MKRN2: variants seen among roughly 807,000 people sequenced by gnomAD.
The protein encoded by MKRN2 is makorin ring finger protein 2.
A neutral mutation model predicts 45.4 loss-of-function variants in MKRN2; 32 were observed. The ratio of observed to expected loss-of-function variants is 0.70; its 90% CI spans 0.53 to 0.95. The LOEUF (loss-of-function observed/expected upper bound fraction) is 0.95, where lower values mean the gene tolerates loss of function less well. MKRN2 is among the 40% of genes least tolerant of loss of function. The probability of loss-of-function intolerance (pLI) is 0.00; values close to 1 mark genes in which losing one functional copy is unlikely to be tolerated. For synonymous variants in MKRN2, 206 were observed against 192.4 expected, an observed-to-expected ratio of 1.07 and a Z score of -0.59; for missense variants, 526 against 536.7, an observed-to-expected ratio of 0.98 and a Z score of 0.20.
chr3:12,567,491 T>G (rs2058076176), intron 1 of MKRN2, among the ~76,000 whole-genome samples: 1 of 147,590 alleles, frequency 6.8e-6, no homozygotes, highest in African/African-American at 2.5e-5. Flanking sequence ...CTTTTTTTTT[T>G]TTTTTTTTTT....
intron 1 of MKRN2, among the ~76,000 whole-genome samples, chr3:12,564,903 C>T (rs2058060850): frequency 6.6e-6 from 1 of 152,212 alleles, no homozygotes; most frequent in African/African-American, 2.4e-5. Context: ...GCTTCTTTCA[C>T]TCTGCGTAAT....
intron 4 of MKRN2, 33 bp from the exon 5 acceptor site, chr3:12,574,759 C>A (rs752606455): frequency 2.5e-6 from 4 of 1,591,866 alleles, no homozygotes; most frequent in Non-Finnish European, 3.4e-6. Context: ...CAGTGGCCCA[C>A]AACCAAAGCC....
intron 6 of MKRN2, among the ~76,000 whole-genome samples, chr3:12,578,270 A>G (rs368845164): frequency 4.4e-4 from 62 of 141,282 alleles, no homozygotes; most frequent in African/African-American, 1.6e-3. Context: ...TAGCCACCCC[A>G]TGTGGTTATG....
chr3:12,572,374 G>C lies in MKRN2; in HGVS notation c.642+1G>C. The stretch of plus-strand genomic sequence containing the variant: ...AGAGCAGAGGAAGGCTCATGAAAAG[G>C]TAAAGTCACAAACCTTTGCATGAAC... On this transcript the variant is annotated splice_donor_variant, in intron 4 of 7. Coordinates refer to ENST00000170447, the MANE Select transcript of MKRN2 (RefSeq NM_014160.5). LOFTEE classifies it high-confidence loss of function. The C allele has an allele frequency of 6.4e-7, 1 of 1,552,402 alleles. No homozygotes were observed. The highest frequency in any genetic ancestry group is 1.4e-5 in the African/African-American group (1 of 73,342).
At position 12,581,886 on chromosome 3, in the gene MKRN2, C is replaced by T. The variant is rs1400630169; in HGVS notation, c.1047C>T (p.Tyr349=). 1 of 1,614,178 alleles carries T rather than the reference C, an allele frequency of 6.2e-7. No individual in the cohort carries two copies. Among genetic ancestry groups the T allele is most frequent in the Non-Finnish European group, 8.5e-7 (1 of 1,180,040 alleles). Residue 349 remains tyrosine (Y), a synonymous_variant, in exon 7 of 8, where the codon TAC becomes TAT. Transcript: ENST00000170447. Reference sequence around the variant, plus strand: ...GCAAATGTCTTTATCGCCATGCTTACCCCGATGGGCGGCTAGCAGAGCCTG... The same window carrying T: ...GCAAATGTCTTTATCGCCATGCTTATCCCGATGGGCGGCTAGCAGAGCCTG... ...FGSKCLYRHA[Y]PDGRLAEPEK...
At chr3:12,562,973 A>ACCATCCC (rs1251162198) in intron 1 of MKRN2, among the ~76,000 whole-genome samples, 3 of 152,116 alleles carry the variant, frequency 2.0e-5, no homozygotes, top group African/African-American at 7.2e-5. Context: ...TCATCCTGAA[A>ACCATCCC]CCATCCCCCA....
intron 6 of MKRN2, among the ~76,000 whole-genome samples, chr3:12,577,874 A>G (rs555854693): frequency 6.6e-5 from 10 of 152,128 alleles, no homozygotes; most frequent in African/African-American, 2.4e-4. Context: ...ACGGGGTTTC[A>G]CCATGTTAGC....
intron 7 of MKRN2, 66 bp from the exon 8 acceptor site, chr3:12,582,050 T>G: frequency 6.2e-7 from 1 of 1,609,996 alleles, no homozygotes; most frequent in Non-Finnish European, 8.5e-7. Flanking sequence ...AAAAGAACGA[T>G]CAAGGAACGC....
chr3:12,574,996 C>A lies in MKRN2; in HGVS notation c.847C>A (p.Pro283Thr). ...QWRCAKQFEN[P>T]IIKSCPECRV... is the part of the protein sequence containing the mutation. ...GCGGTGTGCCAAACAGTTTGAAAAC[C>A]CAATCATTAAGTAAGTACAGCCAGG... is the stretch of plus-strand genomic sequence containing the variant. The change falls in exon 5 of 8, where the codon CCA (proline) becomes ACA (threonine). Residue 283 changes from proline (P) to threonine (T), a missense_variant. Pro to Thr is a conservative substitution (Grantham distance 38). Coordinates refer to ENST00000170447, the MANE Select transcript of MKRN2 (RefSeq NM_014160.5). The A allele has an allele frequency of 6.2e-7, 1 of 1,613,864 alleles. No homozygotes were observed. Among genetic ancestry groups the A allele is most frequent in the Non-Finnish European group, 8.5e-7 (1 of 1,179,758 alleles).
chr3:12,583,558 T>C lies in MKRN2; in HGVS notation c.*1305T>C, dbSNP rs2058206964. Reference sequence around the variant, plus strand: ...AGGGTGAACAAATGGGGCATTCAAGTTGTGAGCTCAGAATTACTTTAAAAG... The same window carrying C: ...AGGGTGAACAAATGGGGCATTCAAGCTGTGAGCTCAGAATTACTTTAAAAG... On this transcript the variant is annotated 3_prime_UTR_variant, in exon 8 of 8. Coordinates refer to ENST00000170447, the MANE Select transcript of MKRN2 (RefSeq NM_014160.5). 1 of 219,014 alleles carries C rather than the reference T, an allele frequency of 4.6e-6. No homozygotes were observed. Among genetic ancestry groups the C allele is most frequent in the Non-Finnish European group, 9.2e-6 (1 of 109,158 alleles). The allele number at this position is 219,014 out of a possible 1,614,324, so 13.6% of individuals were successfully genotyped here.
chr3:12,583,617 T>C lies in MKRN2; in HGVS notation c.*1364T>C. On this transcript the variant is annotated 3_prime_UTR_variant, in exon 8 of 8. Coordinates refer to ENST00000170447, the MANE Select transcript of MKRN2 (RefSeq NM_014160.5). Reference sequence around the variant, plus strand: ...AGCCAGCCATTACACCTAAATTTAATTTATTTTATTAAAATAACATAATTG... The same window carrying C: ...AGCCAGCCATTACACCTAAATTTAACTTATTTTATTAAAATAACATAATTG... 1 of 231,914 alleles carries C rather than the reference T, an allele frequency of 4.3e-6. No homozygotes were observed. Among genetic ancestry groups the C allele is most frequent in the Non-Finnish European group, 8.5e-6 (1 of 117,240 alleles). 14.4% of individuals were successfully genotyped at this position (231,914 alleles called of 1,614,324 possible).
intron 7 of MKRN2, 69 bp from the exon 8 acceptor site, chr3:12,582,047 C>T (rs1333133530): frequency 7.5e-6 from 12 of 1,609,514 alleles, no homozygotes; most frequent in Admixed American, 3.3e-5. Context: ...GGCAAAAGAA[C>T]GATCAAGGAA....
intron 1 of MKRN2, among the ~76,000 whole-genome samples, chr3:12,567,022 A>G (rs573825506): frequency 1.3e-5 from 2 of 152,200 alleles, no homozygotes; most frequent in South Asian, 2.1e-4. Context: ...TGCTGATTCC[A>G]TCATCTCTGT....
chr3:12,582,048 G>T, intron 7 of MKRN2, 68 bp from the exon 8 acceptor site: 3 of 1,609,648 alleles, frequency 1.9e-6, no homozygotes, highest in South Asian at 2.2e-5. Flanking sequence ...GCAAAAGAAC[G>T]ATCAAGGAAC....
intron 5 of MKRN2, among the ~76,000 whole-genome samples, chr3:12,575,538 C>T (rs893401960): frequency 1.6e-4 from 25 of 152,262 alleles, no homozygotes; most frequent in Non-Finnish European, 1.3e-4. Context: ...TTACTGCACG[C>T]GTTCTACTGT....
rs780248834 is a variant in MKRN2 at position 12,574,784 on chromosome 3, T to C, written c.643-8T>C. On this transcript the variant is annotated splice_region_variant and splice_polypyrimidine_tract_variant and intron_variant, in intron 4 of 7. Transcript: ENST00000170447. ...CAACCAAAGCCTTCCTTCCTGTCTG[T>C]GCTTCAGATCTGCATGTTGACGTTC... 6.2e-6 allele frequency: 10 copies of C among 1,610,756 alleles called. No individual in the cohort carries two copies. The highest frequency in any genetic ancestry group is 8.5e-6 in the Non-Finnish European group (10 of 1,178,072).
chr3:12,577,838 G>A (rs1213855676), intron 6 of MKRN2, among the ~76,000 whole-genome samples: 1 of 152,078 alleles, frequency 6.6e-6, no homozygotes, highest in African/African-American at 2.4e-5. Flanking sequence ...ACTGCACCTG[G>A]CCAATTTTTT....
chr3:12,574,947 C>T lies in MKRN2; in HGVS notation c.798C>T (p.Tyr266=), dbSNP rs990300133. The T allele has an allele frequency of 2.5e-6, 4 of 1,614,144 alleles. No homozygotes were observed. Among genetic ancestry groups the T allele is most frequent in the Non-Finnish European group, 3.4e-6 (4 of 1,180,042 alleles). The change falls in exon 5 of 8, where the codon TAC becomes TAT. Residue 266 remains tyrosine, a synonymous_variant. Coordinates refer to ENST00000170447, the MANE Select transcript of MKRN2 (RefSeq NM_014160.5). ...TTCTCTCCAATTGCAATCACACGTA[C>T]TGTTTGTCCTGCATCCGGCAGTGGC... The part of the protein sequence containing the change: ...FGILSNCNHT[Y]CLSCIRQWRC...
intron 1 of MKRN2, among the ~76,000 whole-genome samples, chr3:12,563,355 CAG>C (rs962318269): frequency 1.3e-5 from 2 of 152,072 alleles, no homozygotes; most frequent in African/African-American, 4.8e-5. Flanking sequence ...GTGGAGAAGT[CAG>C]AGGTTTCTGA....
Sources: gnomAD v4.1 joint callset for allele counts (sites outside exome capture counted in the v4.1 genomes callset) on GRCh38, gnomAD v4.1.1 for gene constraint, MANE v1.5 for transcripts, NCBI Gene and HGNC (gene_info 2026-07-23, HGNC 2026-07-21) for gene names.